Variants in RIMKLB observed in about 807,000 individuals in gnomAD.
The protein encoded by RIMKLB is beta-citrylglutamate synthase B.
A neutral mutation model predicts 32.0 loss-of-function variants in RIMKLB; 7 were observed. The observed-to-expected ratio is 0.22, with a 90% CI of 0.12 to 0.41. RIMKLB has a LOEUF of 0.41. Among genes scored for constraint, RIMKLB ranks in the 10% least tolerant of loss-of-function variants. The probability of loss-of-function intolerance (pLI) is 1.00; values close to 1 mark genes in which losing one functional copy is unlikely to be tolerated. For missense variants in RIMKLB, 289 were observed against 498.7 expected (o/e 0.58, Z 4.00); for synonymous variants, 172 against 185.1 (o/e 0.93, Z 0.57).
chr12:8,683,515 A>G (rs1168929327), intron 1 of RIMKLB, among the ~76,000 whole-genome samples: 1 of 152,216 alleles, frequency 6.6e-6, no homozygotes, highest in East Asian at 1.9e-4. Flanking sequence ...TATAATGTGC[A>G]GCACCTTTCC....
chr12:8,671,164 G>T, the RIMKLB span, among the ~76,000 whole-genome samples: 1 of 152,074 alleles, frequency 6.6e-6, no homozygotes. Context: ...TTTTCCCCAT[G>T]GTCTTGGGGC....
At chr12:8,779,892 T>TTATG (rs3078352), downstream of RIMKLB, 32 of 152,042 alleles carry the variant, frequency 2.1e-4, no homozygotes. Flanking sequence ...CCTAATTCTT[T>TTATG]TATGTATGTA....
chr12:8,708,376 T>G (rs541626772), intron 1 of RIMKLB, among the ~76,000 whole-genome samples: 3 of 152,180 alleles, frequency 2.0e-5, no homozygotes, highest in Non-Finnish European at 4.4e-5. Flanking sequence ...GAAATGACTT[T>G]CATTTTAACT....
At chr12:8,746,942 T>C (rs895137302) in intron 2 of RIMKLB, among the ~76,000 whole-genome samples, 2 of 152,124 alleles carry the variant, frequency 1.3e-5, no homozygotes, top group African/African-American at 2.4e-5. Context: ...GTGGATCTCA[T>C]GTTGCCTAGG....
intron 2 of RIMKLB, among the ~76,000 whole-genome samples, chr12:8,717,695 A>G (rs555256405): frequency 2.0e-5 from 3 of 152,214 alleles, no homozygotes; most frequent in Non-Finnish European, 4.4e-5. Context: ...AATGAAATCA[A>G]AGTTGCCTGA....
intron 2 of RIMKLB, among the ~76,000 whole-genome samples, chr12:8,749,096 A>G: frequency 6.6e-6 from 1 of 152,252 alleles, no homozygotes; most frequent in East Asian, 1.9e-4. Context: ...AAAAACATAC[A>G]AAACATAATA....
chr12:8,771,683 G>A (rs760157651), intron 5 of RIMKLB, among the ~76,000 whole-genome samples: 8 of 151,522 alleles, frequency 5.3e-5, no homozygotes, highest in African/African-American at 1.9e-4. Context: ...TTTTAGTGGC[G>A]CTCACATTTT....
intron 5 of RIMKLB, among the ~76,000 whole-genome samples, chr12:8,754,936 C>T (rs1411503040): frequency 6.6e-6 from 1 of 152,054 alleles, no homozygotes; most frequent in African/African-American, 2.4e-5. Flanking sequence ...ACCACAGGCA[C>T]ATGCCACCAT....
rs1192289923 is a variant in RIMKLB at position 8,757,474 on chromosome 12, A to AAAAAAAAATAAAAAAAAT, written c.697+3389_697+3390insTAAAAAAAATAAAAAAAA. Among the ~76,000 whole-genome samples the AAAAAAAAATAAAAAAAAT allele has an allele frequency of 4.1e-3, 613 of 151,286 alleles. 15 individuals carry two copies. Among genetic ancestry groups the AAAAAAAAATAAAAAAAAT allele is most frequent in the African/African-American group, 0.014 (572 of 41,216 alleles). ...TGACACAGCAAGACCCTGTCTCAAA[A>AAAAAAAAATAAAAAAAAT]AAAAAAAAAAAAAAAGTTGTTTTGA... On this transcript the variant is annotated intron_variant, in intron 5 of 5. Transcript: ENST00000535829.
intron 2 of RIMKLB, among the ~76,000 whole-genome samples, chr12:8,736,111 C>T (rs937123076): frequency 6.6e-6 from 1 of 152,168 alleles, no homozygotes; most frequent in African/African-American, 2.4e-5. Flanking sequence ...AGATTTCTTC[C>T]TCACATGGTA....
chr12:8,705,074 A>G (rs1346488355), intron 1 of RIMKLB, among the ~76,000 whole-genome samples: 1 of 152,238 alleles, frequency 6.6e-6, no homozygotes, highest in Middle Eastern at 3.4e-3. Flanking sequence ...ATTCCAAGCA[A>G]CAGGAAGCAT....
chr12:8,697,745 G>A (rs1050227562), upstream of RIMKLB: 4 of 224,752 alleles, frequency 1.8e-5, no homozygotes, highest in Non-Finnish European at 4.0e-5. Context: ...GCTCGGGTGC[G>A]GGCGAGGAGC....
At chr12:8,699,078 G>T (rs1031920128) in intron 1 of RIMKLB, among the ~76,000 whole-genome samples, 1 of 152,076 alleles carries the variant, frequency 6.6e-6, no homozygotes, top group Non-Finnish European at 1.5e-5. Context: ...GGCGAATAGC[G>T]ATGGGGTGGT....
chr12:8,721,330 A>G (rs1223271420), intron 2 of RIMKLB, among the ~76,000 whole-genome samples: 2 of 152,188 alleles, frequency 1.3e-5, no homozygotes, highest in South Asian at 2.1e-4. Context: ...ATGTGATGCT[A>G]TTTTCCAACA....
At chr12:8,705,393 C>G (rs1236734261) in intron 1 of RIMKLB, among the ~76,000 whole-genome samples, 1 of 151,024 alleles carries the variant, frequency 6.6e-6, no homozygotes, top group Non-Finnish European at 1.5e-5. Context: ...AAGAGAATCG[C>G]TTGAACCCGG....
rs967310089 is a variant in RIMKLB, at chr12:8,775,088, G to A, written c.*1304G>A. 3 of 985,530 alleles carry A rather than the reference G, an allele frequency of 3.0e-6. No individual in the cohort carries two copies. Among genetic ancestry groups the A allele is most frequent in the African/African-American group, 3.5e-5 (2 of 57,186 alleles). The allele number at this position is 985,530 out of a possible 1,614,324, so 61.0% of individuals were successfully genotyped here. On this transcript the variant is annotated 3_prime_UTR_variant, in exon 6 of 6. Transcript: ENST00000535829. ...TAGATGCTTTTTTAGGCCTTTTTGT[G>A]TATATGTACGTTGTTTGTTTTTTTC...
At position 8,774,027 on chromosome 12, in the gene RIMKLB, G is replaced by GTTA. The variant is rs370668298; in HGVS notation, c.*244_*246dup. ...TATAGAAAAATGTCAGGCTCTCATA[G>GTTA]TTACCCTTTTAAATTGCTAAAAAAT... is the stretch of plus-strand genomic sequence containing the variant. On this transcript the variant is annotated 3_prime_UTR_variant, in exon 6 of 6. Coordinates refer to ENST00000535829, the MANE Select transcript of RIMKLB (RefSeq NM_001297776.2). 490 of 1,292,000 alleles carry GTTA rather than the reference G, an allele frequency of 3.8e-4. 2 individuals carry two copies. In the African/African-American group the frequency reaches 6.8e-3, roughly 18 times the overall value. 80.0% of individuals were successfully genotyped at this position (1,292,000 alleles called of 1,614,324 possible).
chr12:8,713,549 T>G lies in RIMKLB; in HGVS notation c.-56-262T>G, dbSNP rs763775973. 4.6e-5 allele frequency among the ~76,000 whole-genome samples: 7 copies of G among 152,330 alleles called. No individual in the cohort carries two copies. The East Asian group carries it at 1.3e-3, about 29-fold the overall frequency. On this transcript the variant is annotated intron_variant, in intron 1 of 5. Transcript: ENST00000535829. ...TGGGAAGGGTATTTAAACTTTCTGC[T>G]AAGTGACGAGCTACAGTTATTAAGT...
intron 1 of RIMKLB, among the ~76,000 whole-genome samples, chr12:8,687,917 C>A (rs911941413): frequency 6.6e-6 from 1 of 151,316 alleles, no homozygotes; most frequent in Non-Finnish European, 1.5e-5. Flanking sequence ...GATGGCACTG[C>A]AGTTAGGACT....
Sources: allele counts gnomAD v4.1 joint callset (sites outside exome capture counted in the v4.1 genomes callset), GRCh38; gene constraint gnomAD v4.1.1; transcripts MANE v1.5; gene names NCBI Gene and HGNC (gene_info 2026-07-23, HGNC 2026-07-21).